ABCG2: variants seen among roughly 807,000 people sequenced by gnomAD.
ABCG2 encodes ATP binding cassette subfamily G member 2 (JR blood group), also known as broad substrate specificity ATP-binding cassette transporter ABCG2.
ABCG2 carries 80 observed loss-of-function variants against 73.5 expected under a neutral mutation model. The ratio of observed to expected loss-of-function variants is 1.09; its 90% confidence interval spans 0.91 to 1.31. ABCG2 has a LOEUF of 1.31. Ranked by LOEUF, ABCG2 falls within the 50% of genes most tolerant of loss-of-function variation. The pLI is 0.00. For missense variants in ABCG2, 796 were observed against 786.2 expected, an observed-to-expected ratio of 1.01 and a Z score of -0.15; for synonymous variants, 269 against 282.4, an observed-to-expected ratio of 0.95 and a Z score of 0.48.
intron 1 of ABCG2, among the ~76,000 whole-genome samples, chr4:88,200,330 AAAAC>A (rs900927306): frequency 2.6e-5 from 4 of 152,088 alleles, no homozygotes; most frequent in Admixed American, 6.6e-5. Context: ...TCTGTCTCAA[AAAAC>A]AAACAAACAA....
chr4:88,200,705 G>A (rs1729124226), intron 1 of ABCG2, among the ~76,000 whole-genome samples: 1 of 151,368 alleles, frequency 6.6e-6, no homozygotes, highest in South Asian at 2.1e-4. Flanking sequence ...GTAGAGACAG[G>A]GTTTTACCAT....
At chr4:88,159,313 A>C (rs972045648), upstream of ABCG2, 9 of 427,076 alleles carry the variant, frequency 2.1e-5, no homozygotes, top group African/African-American at 1.9e-4. Flanking sequence ...CACCCAGAGC[A>C]AGTTAAATGG....
At chr4:88,095,487 ATGCAGTC>A in intron 14 of ABCG2, 26 bp downstream of exon 14, 2 of 1,558,052 alleles carry the variant, frequency 1.3e-6, no homozygotes, top group Non-Finnish European at 1.8e-6. Context: ...TAGCTTGGGA[ATGCAGTC>A]ACAGTGACAG....
At chr4:88,197,284 G>T (rs1292933171) in intron 1 of ABCG2, among the ~76,000 whole-genome samples, 1 of 151,892 alleles carries the variant, frequency 6.6e-6, no homozygotes, top group East Asian at 1.9e-4. Flanking sequence ...TTTTAGGAAG[G>T]GTAGAATTAT....
chr4:88,204,753 A>G lies in ABCG2; in HGVS notation c.-20+26241T>C, dbSNP rs558065560. Reference sequence around the variant, plus strand: ...TAGTTGGCAGTGTTTTAAAGGAATAAGAAGACTGGTTGCTTTTGGCAGAAG... The same window carrying G: ...TAGTTGGCAGTGTTTTAAAGGAATAGGAAGACTGGTTGCTTTTGGCAGAAG... On this transcript the variant is annotated intron_variant, in intron 1 of 15. Transcript: ENST00000515655. 2.0e-5 allele frequency among the ~76,000 whole-genome samples: 3 copies of G among 152,346 alleles called. No homozygotes were observed. In the South Asian group the frequency reaches 6.2e-4, roughly 32 times the overall value.
chr4:88,154,051 T>C lies in ABCG2; in HGVS notation c.-20+4335A>G, dbSNP rs575107695. On this transcript the variant is annotated intron_variant, in intron 1 of 15. Transcript: ENST00000237612. Reference sequence around the variant, plus strand: ...GTGAGGCTGGAAGGAGATATTTTCCTTGGTCTAAGAACCATTTGCTTTGTG... The same window carrying C: ...GTGAGGCTGGAAGGAGATATTTTCCCTGGTCTAAGAACCATTTGCTTTGTG... Among the ~76,000 whole-genome samples, 21 of 152,304 alleles carry C rather than the reference T, an allele frequency of 1.4e-4. No homozygotes were observed. The East Asian group carries it at 3.5e-3, about 25-fold the overall frequency.
chr4:88,108,443 A>G (rs1722905195), intron 9 of ABCG2, among the ~76,000 whole-genome samples: 1 of 152,106 alleles, frequency 6.6e-6, no homozygotes, highest in African/African-American at 2.4e-5. Context: ...GAGGCACAAG[A>G]ATCACTTGAA....
chr4:88,125,480 A>T (rs1348071906), intron 5 of ABCG2, among the ~76,000 whole-genome samples: 2 of 150,880 alleles, frequency 1.3e-5, no homozygotes, highest in Non-Finnish European at 3.0e-5. Flanking sequence ...AAGTGGTGGA[A>T]GCCTGTAGTC....
chr4:88,229,678 T>C (rs970424314), intron 1 of ABCG2, among the ~76,000 whole-genome samples: 1 of 152,154 alleles, frequency 6.6e-6, no homozygotes, highest in Non-Finnish European at 1.5e-5. Context: ...TTCTCCCCAC[T>C]TTTTTCCCAT....
chr4:88,230,235 C>T (rs1424192567), intron 1 of ABCG2, among the ~76,000 whole-genome samples: 1 of 144,846 alleles, frequency 6.9e-6, no homozygotes, highest in Non-Finnish European at 1.5e-5. Flanking sequence ...TCAGATGATC[C>T]ACTTGCCTCG....
chr4:88,119,793 T>C (rs555470000), intron 6 of ABCG2, among the ~76,000 whole-genome samples: 1 of 152,180 alleles, frequency 6.6e-6, no homozygotes, highest in Admixed American at 6.5e-5. Context: ...AAGATATGGT[T>C]TGAAATTGGA....
At chr4:88,121,267 G>A (rs1030515900) in intron 6 of ABCG2, among the ~76,000 whole-genome samples, 2 of 152,030 alleles carry the variant, frequency 1.3e-5, no homozygotes, top group South Asian at 2.1e-4. Flanking sequence ...TACTGAAGGT[G>A]GAAGAATAAG....
At chr4:88,146,185 AAC>A (rs1264575799) in intron 1 of ABCG2, among the ~76,000 whole-genome samples, 1 of 152,170 alleles carries the variant, frequency 6.6e-6, no homozygotes, top group African/African-American at 2.4e-5. Flanking sequence ...AGTTTGCAAC[AAC>A]GTATCGCTGT....
At position 88,158,494 on chromosome 4, in the gene ABCG2, G is replaced by A. The variant is rs1727102619; in HGVS notation, c.-128C>T. 2.2e-6 allele frequency: 1 copy of A among 456,130 alleles called. No individual in the cohort carries two copies. 28.3% of individuals were successfully genotyped at this position (456,130 alleles called of 1,614,324 possible). A position where few individuals can be genotyped will look rare whatever the true frequency, so the allele number is the denominator to read the frequency against. Reference sequence around the variant, plus strand: ...ATGTAAATGTTGGGATGAGTCACCCGGACCTTCCAAACAAACTCTAAAGCA... The same window carrying A: ...ATGTAAATGTTGGGATGAGTCACCCAGACCTTCCAAACAAACTCTAAAGCA... On this transcript the variant is annotated 5_prime_UTR_variant, in exon 1 of 16. Transcript: ENST00000237612.
intron 7 of ABCG2, among the ~76,000 whole-genome samples, chr4:88,115,388 A>G (rs950506440): frequency 6.7e-6 from 1 of 149,348 alleles, no homozygotes; most frequent in African/African-American, 2.5e-5. Context: ...AGTTCAAGTG[A>G]TTCTCCTGCC....
intron 8 of ABCG2, 137 bp from the exon 9 acceptor site, chr4:88,113,690 C>T (rs373806027): frequency 3.3e-5 from 39 of 1,170,026 alleles, no homozygotes; most frequent in South Asian, 1.6e-4. Flanking sequence ...AGGCCAGGCA[C>T]GGCGGCTCAT....
At chr4:88,153,983 A>G (rs535506890) in intron 1 of ABCG2, among the ~76,000 whole-genome samples, 1 of 152,278 alleles carries the variant, frequency 6.6e-6, no homozygotes, top group South Asian at 2.1e-4. Flanking sequence ...CTTGTAACCT[A>G]CATGGAAGAG....
chr4:88,200,047 C>T (rs896767523), intron 1 of ABCG2, among the ~76,000 whole-genome samples: 21 of 151,884 alleles, frequency 1.4e-4, no homozygotes, highest in African/African-American at 4.8e-4. Flanking sequence ...ATAGAAGGCC[C>T]GGCATGGTGG....
chr4:88,227,009 G>A (rs1251766442), intron 1 of ABCG2, among the ~76,000 whole-genome samples: 2 of 152,074 alleles, frequency 1.3e-5, no homozygotes, highest in African/African-American at 4.8e-5. Context: ...CTACTCGGGA[G>A]GTTGATATGG....
Sources: gnomAD v4.1 joint callset for allele counts (sites outside exome capture counted in the v4.1 genomes callset) on GRCh38, gnomAD v4.1.1 for gene constraint, MANE v1.5 for transcripts, NCBI Gene and HGNC (gene_info 2026-07-23, HGNC 2026-07-21) for gene names.